The following IGDCC3 variants were observed in gnomAD, a reference collection of about 807,000 sequenced individuals.
The protein encoded by IGDCC3 is immunoglobulin superfamily DCC subclass member 3.
A neutral mutation model predicts 72.0 loss-of-function variants in IGDCC3; 47 were observed. The ratio of observed to expected loss-of-function variants is 0.65; its 90% confidence interval spans 0.52 to 0.83. IGDCC3 has a LOEUF of 0.83. IGDCC3 is among the 40% of genes least tolerant of loss of function. The pLI is 0.00. For missense variants in IGDCC3, 1,038 were observed against 1,091.3 expected, an observed-to-expected ratio of 0.95 and a Z score of 0.69; for synonymous variants, 477 against 472.8, an observed-to-expected ratio of 1.01 and a Z score of -0.11.
intron 1 of IGDCC3, among the ~76,000 whole-genome samples, chr15:65,376,164 G>A (rs1438483049): frequency 6.6e-6 from 1 of 152,162 alleles, no homozygotes; most frequent in Admixed American, 6.5e-5. Flanking sequence ...ATGAAGAGTA[G>A]CAAACACCAA....
intron 2 of IGDCC3, among the ~76,000 whole-genome samples, chr15:65,372,363 T>C (rs912234086): frequency 6.6e-6 from 1 of 152,166 alleles, no homozygotes; most frequent in Non-Finnish European, 1.5e-5. Context: ...ATGCAGAGTC[T>C]AGGGCTCCTG....
At chr15:65,369,917 C>A (rs959792548) in intron 2 of IGDCC3, among the ~76,000 whole-genome samples, 22 of 152,192 alleles carry the variant, frequency 1.4e-4, no homozygotes, top group African/African-American at 5.3e-4. Flanking sequence ...CAGAGCCACA[C>A]ACCATGAGCC....
intron 2 of IGDCC3, among the ~76,000 whole-genome samples, chr15:65,357,733 C>G (rs1449406379): frequency 6.6e-6 from 1 of 152,124 alleles, no homozygotes; most frequent in Non-Finnish European, 1.5e-5. Flanking sequence ...TGGTCATAAC[C>G]ACAGATGTGA....
chr15:65,345,852 C>T (rs2091120327), intron 2 of IGDCC3, among the ~76,000 whole-genome samples: 1 of 152,196 alleles, frequency 6.6e-6, no homozygotes, highest in African/African-American at 2.4e-5. Flanking sequence ...CATGGTCACA[C>T]AGCCAGTCCG....
chr15:65,353,791 AG>A (rs147161370), intron 2 of IGDCC3, among the ~76,000 whole-genome samples: 3,834 of 152,272 alleles, frequency 0.025, 166 homozygotes, highest in African/African-American at 0.088. Flanking sequence ...TAGCCTAAAG[AG>A]GGGAGACATG....
chr15:65,334,822 C>T lies in IGDCC3; in HGVS notation c.729G>A (p.Gly243=), dbSNP rs1044051873. 1.8e-5 allele frequency: 29 copies of T among 1,613,004 alleles called. No homozygotes were observed. The highest frequency in any genetic ancestry group is 2.3e-5 in the Non-Finnish European group (27 of 1,179,626). The stretch of plus-strand genomic sequence containing the variant: ...GCACTGTCAGGGTGAGGTTCTCAGG[C>T]CCCACGAGGATGGCTGGCTCCTTGT... ...GAYKEPAILV[G]PENLTLTVHQ... The change falls in exon 5 of 14, where the codon GGG becomes GGA. Residue 243 remains glycine, a synonymous_variant. Coordinates refer to ENST00000327987, the MANE Select transcript of IGDCC3 (RefSeq NM_004884.4).
Position 65,377,598 on chromosome 15 carries a change from C to G in IGDCC3, c.103+88G>C, listed in dbSNP as rs1392411258. ...GCCCTCAGGTCCGCGCCGCTCTCCC[C>G]GGGTCCGCCCCTCGCGCCCGCTCCC... On this transcript the variant is annotated intron_variant, in intron 1 of 13. Coordinates refer to ENST00000327987, the MANE Select transcript of IGDCC3 (RefSeq NM_004884.4). This position sits in a 1 kb window ranked among gnomAD's most constrained non-coding sequence, Gnocchi z 4.9. 2 of 1,264,952 alleles carry G rather than the reference C, an allele frequency of 1.6e-6. No individual in the cohort carries two copies. The highest frequency in any genetic ancestry group is 4.5e-5 in the South Asian group (2 of 44,876). 78.4% of individuals were successfully genotyped at this position (1,264,952 alleles called of 1,614,324 possible). A position where few individuals can be genotyped will look rare whatever the true frequency, so the allele number is the denominator to read the frequency against.
chr15:65,355,200 G>T (rs1174587266), intron 2 of IGDCC3, among the ~76,000 whole-genome samples: 1 of 152,172 alleles, frequency 6.6e-6, no homozygotes, highest in East Asian at 1.9e-4. Context: ...CCCACTGCAG[G>T]CATTCAGCTG....
At chr15:65,354,230 C>T (rs112376157) in intron 2 of IGDCC3, among the ~76,000 whole-genome samples, 3,866 of 152,278 alleles carry the variant, frequency 0.025, 169 homozygotes, top group African/African-American at 0.089. Context: ...TCTTAATAAA[C>T]TTTGCACTGC....
At chr15:65,336,089 G>T in intron 2 of IGDCC3, 133 bp from the exon 3 acceptor site, 1 of 871,576 alleles carries the variant, frequency 1.1e-6, no homozygotes, top group South Asian at 1.6e-5. Context: ...TCCTGCAAGG[G>T]CAATAGCTTG....
At chr15:65,372,766 CGGCA>C (rs1228226481) in intron 2 of IGDCC3, among the ~76,000 whole-genome samples, 1 of 152,174 alleles carries the variant, frequency 6.6e-6, no homozygotes, top group Non-Finnish European at 1.5e-5. Flanking sequence ...TCTGCAGTGC[CGGCA>C]GGCACACGGG....
chr15:65,374,321 A>C (rs6494518), intron 2 of IGDCC3, among the ~76,000 whole-genome samples: 1 of 152,022 alleles, frequency 6.6e-6, no homozygotes, highest in Admixed American at 6.6e-5. Context: ...CCTGGGATAC[A>C]TGGAGAATTT....
intron 2 of IGDCC3, among the ~76,000 whole-genome samples, chr15:65,361,926 C>A (rs2091264675): frequency 6.6e-6 from 1 of 152,178 alleles, no homozygotes; most frequent in African/African-American, 2.4e-5. Context: ...CAGAGCCAGA[C>A]GTTCTGCGAC....
intron 2 of IGDCC3, chr15:65,355,787 A>G (rs568828017): frequency 1.8e-4 from 81 of 453,656 alleles, no homozygotes; most frequent in Non-Finnish European, 3.1e-4. Flanking sequence ...AAAATAAGAC[A>G]GCCATTGTCC....
At chr15:65,346,947 C>T (rs1378083679) in intron 2 of IGDCC3, among the ~76,000 whole-genome samples, 1 of 152,272 alleles carries the variant, frequency 6.6e-6, no homozygotes, top group South Asian at 2.1e-4. Context: ...GGGTCAGGGG[C>T]TGGGAGATGA....
At chr15:65,330,836 GC>G in intron 9 of IGDCC3, 95 bp from the exon 10 acceptor site, 2 of 1,176,772 alleles carry the variant, frequency 1.7e-6, no homozygotes, top group Non-Finnish European at 2.4e-6. Context: ...AAGCCTGACA[GC>G]CCTCTGGCCT....
intron 2 of IGDCC3, among the ~76,000 whole-genome samples, chr15:65,342,614 C>T (rs1268979204): frequency 6.6e-6 from 1 of 152,078 alleles, no homozygotes; most frequent in Non-Finnish European, 1.5e-5. Context: ...CTCTACTGCT[C>T]ATGGTCTCTC....
At chr15:65,335,007 C>A in intron 4 of IGDCC3, 142 bp from the exon 5 acceptor site, 1 of 1,017,658 alleles carries the variant, frequency 9.8e-7, no homozygotes, top group Non-Finnish European at 1.4e-6. Flanking sequence ...TACCAGGAGA[C>A]CAGGACGTTC....
At chr15:65,342,741 A>G (rs1397383591) in intron 2 of IGDCC3, among the ~76,000 whole-genome samples, 1 of 152,192 alleles carries the variant, frequency 6.6e-6, no homozygotes, top group African/African-American at 2.4e-5. Context: ...CGAGGCCCAC[A>G]TCAGATCCCA....
Sources: allele counts gnomAD v4.1 joint callset (sites outside exome capture counted in the v4.1 genomes callset), GRCh38; gene constraint gnomAD v4.1.1; non-coding constraint Gnocchi (gnomAD v3.1); transcripts MANE v1.5; gene names NCBI Gene and HGNC (gene_info 2026-07-23, HGNC 2026-07-21).